ZNF548: variants seen among roughly 807,000 people sequenced by gnomAD.
ZNF548 encodes the protein zinc finger protein 548.
A neutral mutation model predicts 10.2 loss-of-function variants in ZNF548; 10 were observed. The observed-to-expected ratio is 0.98, with a 90% CI of 0.60 to 1.66. The LOEUF (loss-of-function observed/expected upper bound fraction) is 1.66, where lower values mean the gene tolerates loss of function less well. Among genes scored for constraint, ZNF548 ranks in the 40% most tolerant of loss-of-function variants. ZNF548 has a pLI of 0.00. For synonymous variants in ZNF548, 217 were observed against 223.5 expected (o/e 0.97, Z 0.26); for missense variants, 599 against 657.0 (o/e 0.91, Z 0.97).
chr19:57,400,210 ATCCT>A lies in ZNF548; in HGVS notation c.*327_*330del, dbSNP rs2088704276. ...CCCATGTTGTATAATGTGTCAGAAT[ATCCT>A]TCCTTTTTAGGTGAAATAATATTCT... On this transcript the variant is annotated 3_prime_UTR_variant, in exon 4 of 4. Coordinates refer to ENST00000336128, the MANE Select transcript of ZNF548 (RefSeq NM_001172773.2). The A allele has an allele frequency of 4.2e-6, 1 of 239,666 alleles. No individual in the cohort carries two copies. The highest frequency in any genetic ancestry group is 2.2e-5 in the African/African-American group (1 of 44,692). The allele number at this position is 239,666 out of a possible 1,614,324, so 14.8% of individuals were successfully genotyped here.
At position 57,399,044 on chromosome 19, in the gene ZNF548, T is replaced by G; in HGVS notation, c.793T>G (p.Tyr265Asp). 9.9e-6 allele frequency: 16 copies of G among 1,614,234 alleles called. No individual in the cohort carries two copies. The highest frequency in any genetic ancestry group is 1.4e-5 in the Non-Finnish European group (16 of 1,180,034). Residue 265 changes from tyrosine to aspartate, a missense_variant, in exon 4 of 4, where the codon TAT becomes GAT. Physicochemically the swap from Tyr to Asp is radical, Grantham distance 160. Coordinates refer to ENST00000336128, the MANE Select transcript of ZNF548 (RefSeq NM_001172773.2). The surrounding 1 kb of genome is among the most constrained non-coding windows in gnomAD (Gnocchi z 4.0). ...HQTVHTSERTYECRECGKSFM... is the reference protein window; with the variant it reads ...HQTVHTSERTDECRECGKSFM... The stretch of plus-strand genomic sequence containing the variant: ...GACAGTTCACACTAGTGAAAGGACT[T>G]ATGAGTGCAGAGAATGTGGAAAATC...
At chr19:57,397,339 C>G in intron 3 of ZNF548, 165 bp downstream of exon 3, 8 of 1,072,294 alleles carry the variant, frequency 7.5e-6, no homozygotes, top group Non-Finnish European at 1.0e-5. Context: ...TGTTTTATAC[C>G]CCCTTTTTCC....
intron 2 of ZNF548, among the ~76,000 whole-genome samples, chr19:57,394,570 G>A (rs1002396580): frequency 1.3e-5 from 2 of 152,158 alleles, no homozygotes; most frequent in African/African-American, 4.8e-5. Flanking sequence ...CATCAGGCCT[G>A]GAATGACAGC....
At chr19:57,393,354 T>C (rs899156686) in intron 1 of ZNF548, among the ~76,000 whole-genome samples, 2 of 151,982 alleles carry the variant, frequency 1.3e-5, no homozygotes, top group Non-Finnish European at 2.9e-5. Context: ...AATAGTGAAG[T>C]CATTATGTTA....
chr19:57,397,996 G>A (rs2088679257), intron 3 of ZNF548, among the ~76,000 whole-genome samples: 1 of 152,144 alleles, frequency 6.6e-6, no homozygotes, highest in South Asian at 2.1e-4. Context: ...CTTTTCCACT[G>A]CTCCCTTTGA....
intron 1 of ZNF548, among the ~76,000 whole-genome samples, chr19:57,393,480 G>C (rs964362647): frequency 2.0e-5 from 3 of 151,392 alleles, no homozygotes; most frequent in Non-Finnish European, 4.4e-5. Flanking sequence ...GACCAACATG[G>C]AGAAACCCTG....
Position 57,400,857 on chromosome 19 carries a change from A to G in ZNF548, c.*968A>G, listed in dbSNP as rs1163703391. 6.6e-6 allele frequency: 1 copy of G among 151,866 alleles called. No homozygotes were observed. The highest frequency in any genetic ancestry group is 1.5e-5 in the Non-Finnish European group (1 of 67,936). 9.4% of individuals were successfully genotyped at this position (151,866 alleles called of 1,614,324 possible). On this transcript the variant is annotated 3_prime_UTR_variant, in exon 4 of 4. Coordinates refer to ENST00000336128, the MANE Select transcript of ZNF548 (RefSeq NM_001172773.2). ...TCCTCACCAACATTGTTCATTTTCTATTTCTGTTTTTGGGGTTTTTTGTAG... is the reference window on the plus strand; with the variant it reads ...TCCTCACCAACATTGTTCATTTTCTGTTTCTGTTTTTGGGGTTTTTTGTAG...
chr19:57,393,296 C>T (rs932150085), intron 1 of ZNF548, among the ~76,000 whole-genome samples: 1 of 152,024 alleles, frequency 6.6e-6, no homozygotes, highest in African/African-American at 2.4e-5. Context: ...TGATTTAAAC[C>T]CCAATTAGAC....
At position 57,402,519 on chromosome 19, in the gene ZNF548, A is replaced by C. The variant is rs1198494684; in HGVS notation, c.*2630A>C. The C allele has an allele frequency of 6.6e-6, 1 of 152,220 alleles. No homozygotes were observed. Among genetic ancestry groups the C allele is most frequent in the Non-Finnish European group, 1.5e-5 (1 of 68,038 alleles). The allele number at this position is 152,220 out of a possible 1,614,324, so 9.4% of individuals were successfully genotyped here. Reference sequence around the variant, plus strand: ...CCCAAGTTCTCTCATTCTTAGCTATAGGTAATAAATTGTTCTGATTTTGTG... The same window carrying C: ...CCCAAGTTCTCTCATTCTTAGCTATCGGTAATAAATTGTTCTGATTTTGTG... On this transcript the variant is annotated 3_prime_UTR_variant, in exon 4 of 4. Coordinates refer to ENST00000336128, the MANE Select transcript of ZNF548 (RefSeq NM_001172773.2).
intron 2 of ZNF548, 180 bp from the exon 3 acceptor site, chr19:57,396,868 G>A (rs559975762): frequency 1.4e-5 from 12 of 861,642 alleles, no homozygotes; most frequent in South Asian, 8.7e-5. Context: ...TTTAGAGTAC[G>A]GGAAATATTG....
Position 57,399,067 on chromosome 19 carries a change from A to G in ZNF548, c.816A>G (p.Lys272=). The G allele has an allele frequency of 6.2e-7, 1 of 1,614,250 alleles. No homozygotes were observed. The highest frequency in any genetic ancestry group is 8.5e-7 in the Non-Finnish European group (1 of 1,180,042). Reference sequence around the variant, plus strand: ...CTTATGAGTGCAGAGAATGTGGAAAATCCTTTATGTACAACTACCGACTCA... The same window carrying G: ...CTTATGAGTGCAGAGAATGTGGAAAGTCCTTTATGTACAACTACCGACTCA... ...ERTYECRECG[K]SFMYNYRLMR... Residue 272 remains lysine, a synonymous_variant, in exon 4 of 4, where the codon AAA becomes AAG. Coordinates refer to ENST00000336128, the MANE Select transcript of ZNF548 (RefSeq NM_001172773.2). This position sits in a 1 kb window ranked among gnomAD's most constrained non-coding sequence, Gnocchi z 4.0.
chr19:57,390,516 C>T (rs2088615949), intron 1 of ZNF548: 1 of 180,876 alleles, frequency 5.5e-6, no homozygotes, highest in Non-Finnish European at 1.2e-5. Flanking sequence ...CGCGAAAAGG[C>T]CCTGAGGCCA....
In ZNF548 at chr19:57,399,617, A is replaced by G. The variant is rs2088698178; in HGVS notation, c.1366A>G (p.Thr456Ala). 1 of 1,614,170 alleles carries G rather than the reference A, an allele frequency of 6.2e-7. No individual in the cohort carries two copies. The highest frequency in any genetic ancestry group is 8.5e-7 in the Non-Finnish European group (1 of 1,179,992). ...CCTCATTAAACATTGGAGAAATCAC[A>G]CTGGAGAAAGGCCTTACGAGTGCAG... Reference protein sequence around the residue: ...SNLIKHWRNHTGERPYECREC... With the variant: ...SNLIKHWRNHAGERPYECREC... Residue 456 changes from threonine to alanine, a missense_variant, in exon 4 of 4, where the codon ACT becomes GCT. Transcript: ENST00000336128. The surrounding 1 kb of genome is among the most constrained non-coding windows in gnomAD (Gnocchi z 4.0).
At chr19:57,390,646 A>ATTATTAACTGAAC (rs1417424792) in intron 1 of ZNF548, 1 of 152,946 alleles carries the variant, frequency 6.5e-6, no homozygotes, top group Non-Finnish European at 1.5e-5. Flanking sequence ...TGCTTCAGTT[A>ATTATTAACTGAAC]TGTCTGAACA....
chr19:57,400,153 T>C lies in ZNF548; in HGVS notation c.*264T>C, dbSNP rs779004132. On this transcript the variant is annotated 3_prime_UTR_variant, in exon 4 of 4. Transcript: ENST00000336128. ...CAGTATTTATCTTTTGAGACTGGCT[T>C]ATTTCACTTAGGATAAGGTCTTCAC... 3.3e-4 allele frequency: 123 copies of C among 367,952 alleles called. No homozygotes were observed. Among genetic ancestry groups the C allele is most frequent in the Middle Eastern group, 1.6e-3 (2 of 1,284 alleles). The allele number at this position is 367,952 out of a possible 1,614,324, so 22.8% of individuals were successfully genotyped here. A position where few individuals can be genotyped will look rare whatever the true frequency, so the allele number is the denominator to read the frequency against.
Position 57,399,210 on chromosome 19 carries a change from C to T in ZNF548, c.959C>T (p.Pro320Leu), listed in dbSNP as rs555220756. ...RHQRVHTGER[P>L]YECRECGKFF... ...CAGAGAGTTCACACCGGAGAAAGGC[C>T]GTATGAGTGCAGGGAATGTGGGAAA... is the stretch of plus-strand genomic sequence containing the variant. The change falls in exon 4 of 4, where the codon CCG becomes CTG. Residue 320 changes from proline to leucine, a missense_variant. Coordinates refer to ENST00000336128, the MANE Select transcript of ZNF548 (RefSeq NM_001172773.2). The surrounding 1 kb of genome is among the most constrained non-coding windows in gnomAD (Gnocchi z 4.0). 1.4e-5 allele frequency: 23 copies of T among 1,614,082 alleles called. No individual in the cohort carries two copies. The highest frequency in any genetic ancestry group is 4.5e-5 in the East Asian group (2 of 44,888).
Position 57,401,609 on chromosome 19 carries a change from A to G in ZNF548, c.*1720A>G, listed in dbSNP as rs1220453095. The G allele has an allele frequency of 6.6e-6, 1 of 151,730 alleles. No individual in the cohort carries two copies. Among genetic ancestry groups the G allele is most frequent in the Non-Finnish European group, 1.5e-5 (1 of 67,962 alleles). 9.4% of individuals were successfully genotyped at this position (151,730 alleles called of 1,614,324 possible). A position where few individuals can be genotyped will look rare whatever the true frequency, so the allele number is the denominator to read the frequency against. ...GGGATGACTGTAGTGCATTTTATCT[A>G]TTTTTACTTCTGTTACCTGGGCTTT... On this transcript the variant is annotated 3_prime_UTR_variant, in exon 4 of 4. Coordinates refer to ENST00000336128, the MANE Select transcript of ZNF548 (RefSeq NM_001172773.2).
At chr19:57,393,485 A>T (rs2088641295) in intron 1 of ZNF548, among the ~76,000 whole-genome samples, 1 of 151,404 alleles carries the variant, frequency 6.6e-6, no homozygotes, top group Admixed American at 6.6e-5. Flanking sequence ...ACATGGAGAA[A>T]CCCTGTCTCT....
At chr19:57,396,951 GT>G in intron 2 of ZNF548, 96 bp from the exon 3 acceptor site, 1 of 1,504,494 alleles carries the variant, frequency 6.6e-7, no homozygotes, top group Non-Finnish European at 8.9e-7. Flanking sequence ...TTGGCCCTGT[GT>G]TTAATGGGTG....
Sources: allele counts gnomAD v4.1 joint callset (sites outside exome capture counted in the v4.1 genomes callset), GRCh38; gene constraint gnomAD v4.1.1; non-coding constraint Gnocchi (gnomAD v3.1); transcripts MANE v1.5; gene names NCBI Gene and HGNC (gene_info 2026-07-23, HGNC 2026-07-21).